DENND1B: variants seen among roughly 807,000 people sequenced by gnomAD.
The protein encoded by DENND1B is DENN domain containing 1B.
A neutral mutation model predicts 90.1 loss-of-function variants in DENND1B; 59 were observed. The ratio of observed to expected loss-of-function variants is 0.65; its 90% CI spans 0.53 to 0.81. DENND1B has a LOEUF of 0.81. DENND1B is among the 40% of genes least tolerant of loss of function. The probability of loss-of-function intolerance (pLI) is 0.00; values close to 1 mark genes in which losing one functional copy is unlikely to be tolerated. For missense variants in DENND1B, 862 were observed against 912.6 expected, an observed-to-expected ratio of 0.94 and a Z score of 0.71; for synonymous variants, 337 against 324.6, an observed-to-expected ratio of 1.04 and a Z score of -0.41.
At chr1:197,587,577 T>C (rs1443260011) in intron 14 of DENND1B, among the ~76,000 whole-genome samples, 1 of 152,174 alleles carries the variant, frequency 6.6e-6, no homozygotes, top group African/African-American at 2.4e-5. Flanking sequence ...TATTTTCATA[T>C]ATCTTATCTG....
chr1:197,707,559 T>A (rs1440378232), intron 3 of DENND1B, among the ~76,000 whole-genome samples: 2 of 148,464 alleles, frequency 1.3e-5, no homozygotes, highest in East Asian at 3.9e-4. Flanking sequence ...ATCACCCATA[T>A]ATATGTGTAA....
intron 10 of DENND1B, among the ~76,000 whole-genome samples, chr1:197,627,354 A>G (rs1041344368): frequency 6.6e-6 from 1 of 152,028 alleles, no homozygotes; most frequent in Non-Finnish European, 1.5e-5. Flanking sequence ...TTCATCCCTG[A>G]TATGCCAGGC....
At chr1:197,698,858 C>A (rs1308779459) in intron 3 of DENND1B, among the ~76,000 whole-genome samples, 1 of 152,016 alleles carries the variant, frequency 6.6e-6, no homozygotes, top group African/African-American at 2.4e-5. Context: ...AGGACTAAAC[C>A]ACGAAGAAGT....
chr1:197,546,610 A>G, intron 17 of DENND1B, 123 bp downstream of exon 17: 1 of 862,090 alleles, frequency 1.2e-6, no homozygotes, highest in Non-Finnish European at 1.7e-6. Flanking sequence ...TTAAAATGTG[A>G]CAAAATATAC....
At chr1:197,723,403 A>AGGG (rs1380909980) in intron 2 of DENND1B, among the ~76,000 whole-genome samples, 3 of 152,152 alleles carry the variant, frequency 2.0e-5, no homozygotes, top group African/African-American at 7.2e-5. Flanking sequence ...ATCAACAGTG[A>AGGG]GGGGCCATCT....
intron 16 of DENND1B, chr1:197,552,609 G>A: frequency 2.0e-6 from 2 of 994,514 alleles, no homozygotes; most frequent in Non-Finnish European, 2.4e-6. Context: ...GAATTTTGGT[G>A]TTCAGACCCT....
intron 10 of DENND1B, among the ~76,000 whole-genome samples, chr1:197,626,465 T>G (rs562120506): frequency 7.4e-4 from 112 of 152,298 alleles, no homozygotes; most frequent in Non-Finnish European, 1.4e-3. Context: ...ATAAAGATGT[T>G]CTTTGAAACC....
chr1:197,756,352 A>C (rs994199801), intron 2 of DENND1B, among the ~76,000 whole-genome samples: 3 of 152,160 alleles, frequency 2.0e-5, no homozygotes, highest in African/African-American at 7.2e-5. Flanking sequence ...AGGCAGGCAG[A>C]TCACTTGAGG....
At chr1:197,730,630 G>T (rs977208516) in intron 2 of DENND1B, among the ~76,000 whole-genome samples, 10 of 151,920 alleles carry the variant, frequency 6.6e-5, no homozygotes, top group Non-Finnish European at 1.5e-4. Context: ...TTAAAGTAAA[G>T]GGCTACTTGA....
At chr1:197,778,616 G>T (rs1657355014), upstream of DENND1B, among the ~76,000 whole-genome samples, 4 of 152,058 alleles carry the variant, frequency 2.6e-5, no homozygotes, top group South Asian at 8.3e-4. Flanking sequence ...GGCAGAGGTT[G>T]CAGTGAGCCA....
chr1:197,762,756 C>G (rs918673498), intron 2 of DENND1B, among the ~76,000 whole-genome samples: 1 of 151,976 alleles, frequency 6.6e-6, no homozygotes, highest in Admixed American at 6.6e-5. Flanking sequence ...TCTGTGTATC[C>G]GAGCATTTAA....
chr1:197,541,800 C>T (rs1301526314), intron 18 of DENND1B, among the ~76,000 whole-genome samples: 1 of 152,154 alleles, frequency 6.6e-6, no homozygotes, highest in East Asian at 1.9e-4. Flanking sequence ...CACAACAATT[C>T]TGTAAGATTA....
intron 10 of DENND1B, among the ~76,000 whole-genome samples, chr1:197,622,207 A>C (rs1265454014): frequency 6.6e-6 from 1 of 151,432 alleles, no homozygotes; most frequent in Non-Finnish European, 1.5e-5. Flanking sequence ...AAATGTTTAC[A>C]TAATGTTTAC....
At chr1:197,620,074 C>T (rs1207315494) in intron 10 of DENND1B, among the ~76,000 whole-genome samples, 2 of 151,174 alleles carry the variant, frequency 1.3e-5, no homozygotes, top group Non-Finnish European at 3.0e-5. Context: ...AAGGAATCTG[C>T]TTTGGCAAAT....
intron 2 of DENND1B, chr1:197,735,867 T>C: frequency 1.3e-6 from 2 of 1,579,572 alleles, no homozygotes; most frequent in South Asian, 1.1e-5. Context: ...AGCAGTCAAA[T>C]TGCAGGGGGC....
intron 10 of DENND1B, among the ~76,000 whole-genome samples, chr1:197,624,972 G>C (rs1443935843): frequency 6.6e-6 from 1 of 151,868 alleles, no homozygotes; most frequent in Non-Finnish European, 1.5e-5. Flanking sequence ...AGAGAAAAAA[G>C]AATAAAAAGA....
intron 1 of DENND1B, chr1:197,774,727 T>G (rs1422731334): frequency 6.3e-6 from 1 of 157,770 alleles, no homozygotes; most frequent in African/African-American, 2.4e-5. Flanking sequence ...TAATAACCTC[T>G]TAACCTCAAC....
chr1:197,668,238 G>A (rs1655138033), intron 5 of DENND1B, among the ~76,000 whole-genome samples: 1 of 151,886 alleles, frequency 6.6e-6, no homozygotes, highest in South Asian at 2.1e-4. Context: ...AAAAACTGTT[G>A]CTGCATTATT....
chr1:197,632,999 CA>C (rs1212515561), intron 10 of DENND1B, among the ~76,000 whole-genome samples: 5 of 152,186 alleles, frequency 3.3e-5, no homozygotes, highest in Non-Finnish European at 7.3e-5. Context: ...AACCAAAACA[CA>C]GCTAAATCTT....
Sources: gnomAD v4.1 joint callset for allele counts (sites outside exome capture counted in the v4.1 genomes callset) on GRCh38, gnomAD v4.1.1 for gene constraint, MANE v1.5 for transcripts, NCBI Gene and HGNC (gene_info 2026-07-23, HGNC 2026-07-21) for gene names.